SLC14A2: variants seen among roughly 807,000 people sequenced by gnomAD.
SLC14A2 encodes the protein solute carrier family 14 member 2, also known as urea transporter 2.
A neutral mutation model predicts 104.6 loss-of-function variants in SLC14A2; 91 were observed. The observed-to-expected ratio is 0.87, with a 90% CI of 0.73 to 1.04. SLC14A2 has a LOEUF of 1.04. Ranked by LOEUF, SLC14A2 falls within the 50% of genes least tolerant of loss-of-function variation. SLC14A2 has a pLI of 0.00. For synonymous variants in SLC14A2, 476 were observed against 466.4 expected, an observed-to-expected ratio of 1.02 and a Z score of -0.27; for missense variants, 1,189 against 1,156.0, an observed-to-expected ratio of 1.03 and a Z score of -0.41.
chr18:45,458,807 G>T (rs924845610), intron 1 of SLC14A2, among the ~76,000 whole-genome samples: 1 of 152,070 alleles, frequency 6.6e-6, no homozygotes, highest in African/African-American at 2.4e-5. Context: ...AGAGAGTGAG[G>T]GTAGAGTCAC....
chr18:45,346,828 G>A (rs1005698385), intron 1 of SLC14A2, among the ~76,000 whole-genome samples: 2 of 152,162 alleles, frequency 1.3e-5, no homozygotes, highest in Middle Eastern at 3.4e-3. Flanking sequence ...CTGGCGTGGT[G>A]GCGGGCACCT....
intron 1 of SLC14A2, among the ~76,000 whole-genome samples, chr18:45,286,744 GTC>G (rs1012151091): frequency 2.0e-5 from 3 of 152,072 alleles, no homozygotes; most frequent in African/African-American, 7.2e-5. Context: ...GTGTCTGTGT[GTC>G]TCTGTGTTAG....
intron 1 of SLC14A2, among the ~76,000 whole-genome samples, chr18:45,381,531 T>C (rs2085834901): frequency 6.6e-6 from 1 of 152,190 alleles, no homozygotes; most frequent in Non-Finnish European, 1.5e-5. Context: ...CCTCAGCCAG[T>C]TGAGGACTTT....
At chr18:45,464,823 C>G (rs2087110294) in intron 1 of SLC14A2, among the ~76,000 whole-genome samples, 1 of 152,166 alleles carries the variant, frequency 6.6e-6, no homozygotes, top group South Asian at 2.1e-4. Flanking sequence ...TGGGGTGGTA[C>G]AAGCGGCAGT....
At chr18:45,262,000 T>C (rs1252201630) in intron 1 of SLC14A2, among the ~76,000 whole-genome samples, 1 of 152,184 alleles carries the variant, frequency 6.6e-6, no homozygotes, top group African/African-American at 2.4e-5. Flanking sequence ...TCCACAATGG[T>C]TGAACTAGTT....
chr18:45,206,828 A>G, the SLC14A2 span, among the ~76,000 whole-genome samples: 1 of 152,208 alleles, frequency 6.6e-6, no homozygotes, highest in African/African-American at 2.4e-5. Flanking sequence ...TTAACAGATC[A>G]GCAGTCTACA....
intron 8 of SLC14A2, among the ~76,000 whole-genome samples, chr18:45,642,866 T>A (rs534791213): frequency 2.6e-4 from 40 of 152,334 alleles, no homozygotes; most frequent in African/African-American, 9.6e-4. Context: ...AAGGCCACTA[T>A]GGAAGCAGGG....
chr18:45,317,711 T>C (rs1484026120), intron 1 of SLC14A2, among the ~76,000 whole-genome samples: 2 of 152,146 alleles, frequency 1.3e-5, no homozygotes, highest in African/African-American at 4.8e-5. Flanking sequence ...TTCCCCAGCT[T>C]TTGCCATCCT....
upstream of SLC14A2, among the ~76,000 whole-genome samples, chr18:45,614,573 A>T (rs2045028153): frequency 6.6e-6 from 1 of 152,228 alleles, no homozygotes. Context: ...GAGCTGCCTG[A>T]GTCTGTGGGA....
intron 1 of SLC14A2, among the ~76,000 whole-genome samples, chr18:45,462,839 T>G (rs1352774562): frequency 1.3e-5 from 2 of 152,212 alleles, no homozygotes; most frequent in African/African-American, 4.8e-5. Context: ...GAATGCCTAC[T>G]TTGCAGATTT....
intron 1 of SLC14A2, among the ~76,000 whole-genome samples, chr18:45,431,077 T>A (rs998585649): frequency 6.6e-6 from 1 of 152,180 alleles, no homozygotes; most frequent in African/African-American, 2.4e-5. Context: ...ATTTACCTTT[T>A]ATTTGGAAAC....
intron 1 of SLC14A2, among the ~76,000 whole-genome samples, chr18:45,623,808 C>G (rs2045215888): frequency 6.6e-6 from 1 of 152,116 alleles, no homozygotes; most frequent in Admixed American, 6.5e-5. Context: ...CTAGGTCATA[C>G]TGAGAGGAGA....
At chr18:45,322,573 A>T (rs1474395955) in intron 1 of SLC14A2, among the ~76,000 whole-genome samples, 1 of 152,226 alleles carries the variant, frequency 6.6e-6, no homozygotes, top group African/African-American at 2.4e-5. Context: ...GCAACACATC[A>T]GGTCAGCAAA....
At chr18:45,451,084 A>G (rs565949054) in intron 1 of SLC14A2, among the ~76,000 whole-genome samples, 1 of 152,356 alleles carries the variant, frequency 6.6e-6, no homozygotes, top group African/African-American at 2.4e-5. Flanking sequence ...GGCCTGCCAT[A>G]TATAAAAACA....
chr18:45,658,737 G>A (rs193092830), intron 10 of SLC14A2, among the ~76,000 whole-genome samples: 39 of 152,108 alleles, frequency 2.6e-4, no homozygotes, highest in African/African-American at 8.2e-4. Context: ...CAAAGAAATT[G>A]TAATAAGTGT....
rs1229862097 is a variant in SLC14A2, at chr18:45,668,357, T to A, written c.1916T>A (p.Ile639Asn). The change falls in exon 15 of 20, where the codon ATC becomes AAC. Residue 639 changes from isoleucine (I) to asparagine (N), a missense_variant. Physicochemically the swap from Ile to Asn is moderately radical, Grantham distance 149. Transcript: ENST00000255226. ...CCTCCCTCTCCTGCCAGGTCGGCCA[T>A]CGCTGCAGGATTTCACGGCTACAAT... is the stretch of plus-strand genomic sequence containing the variant. Reference protein sequence around the residue: ...ALILSQDKSAIAAGFHGYNGV... With the variant: ...ALILSQDKSANAAGFHGYNGV... 1 of 1,614,010 alleles carries A rather than the reference T, an allele frequency of 6.2e-7. No homozygotes were observed. Among genetic ancestry groups the A allele is most frequent in the South Asian group, 1.1e-5 (1 of 91,078 alleles).
intron 2 of SLC14A2, among the ~76,000 whole-genome samples, chr18:45,495,694 C>A (rs750102845): frequency 4.6e-5 from 7 of 152,208 alleles, no homozygotes; most frequent in Non-Finnish European, 1.0e-4. Context: ...GAAAGGTATA[C>A]TTATTGATAA....
intron 1 of SLC14A2, among the ~76,000 whole-genome samples, chr18:45,269,495 G>T (rs577713738): frequency 6.6e-6 from 1 of 151,834 alleles, no homozygotes; most frequent in African/African-American, 2.4e-5. Context: ...CACTGAGACT[G>T]CCTGAGTGCC....
Position 45,670,845 on chromosome 18 carries a change from T to A in SLC14A2, c.2229+1347T>A, listed in dbSNP as rs375752795. On this transcript the variant is annotated intron_variant, in intron 16 of 19. Coordinates refer to ENST00000255226, the MANE Select transcript of SLC14A2 (RefSeq NM_007163.4). ...CCAGCTAATTCTTTATATTTTTTTG[T>A]AGAGATCGCTCTTGTCATTGTTGCC... 1.1e-4 allele frequency among the ~76,000 whole-genome samples: 17 copies of A among 152,292 alleles called. 3 individuals are homozygous for A. The highest frequency in any genetic ancestry group is 5.8e-4 in the East Asian group (3 of 5,188).
Sources: allele counts gnomAD v4.1 joint callset (sites outside exome capture counted in the v4.1 genomes callset), GRCh38; gene constraint gnomAD v4.1.1; transcripts MANE v1.5; gene names NCBI Gene and HGNC (gene_info 2026-07-23, HGNC 2026-07-21).